CCDC38: variants seen among roughly 807,000 people sequenced by gnomAD.
CCDC38 encodes the protein coiled-coil domain-containing protein 38.
A neutral mutation model predicts 72.8 loss-of-function variants in CCDC38; 69 were observed. The ratio of observed to expected loss-of-function variants is 0.95; its 90% CI spans 0.78 to 1.16. The LOEUF (loss-of-function observed/expected upper bound fraction) is 1.16. Ranked by LOEUF, CCDC38 falls within the 50% of genes most tolerant of loss-of-function variation. The probability of loss-of-function intolerance (pLI) is 0.00; values close to 1 mark genes in which losing one functional copy is unlikely to be tolerated. For missense variants in CCDC38, 626 were observed against 638.9 expected (o/e 0.98, Z 0.22); for synonymous variants, 201 against 213.2 (o/e 0.94, Z 0.50).
chr12:95,899,898 C>T (rs1024085803), intron 5 of CCDC38, among the ~76,000 whole-genome samples: 1 of 151,922 alleles, frequency 6.6e-6, no homozygotes, highest in African/African-American at 2.4e-5. Flanking sequence ...CTGATGAAAG[C>T]GGGATGGGGT....
At position 95,867,102 on chromosome 12, in the gene CCDC38, G is replaced by A. The variant is rs565250678; in HGVS notation, c.1666C>T (p.Gln556Ter). 1 of 1,595,412 alleles carries A rather than the reference G, an allele frequency of 6.3e-7. No individual in the cohort carries two copies. Among genetic ancestry groups the A allele is most frequent in the South Asian group, 1.1e-5 (1 of 89,880 alleles). Residue 556 changes from glutamine (Q) to a stop codon, truncating the protein, a stop_gained, in exon 16 of 16, where the codon CAA (glutamine) becomes TAA (stop). Transcript: ENST00000344280. LOFTEE classifies it high-confidence loss of function. ...CAAGTAAAAAAATATTCTTCCTCTT[G>A]TGATTTTGTTTTTGTTTCATTGACT... Reference protein sequence around the residue: ...PLVNETKTKSQEEEYFFT With the variant: ...PLVNETKTKS
rs1192406024 is a variant in CCDC38, at chr12:95,879,817, A to T, written c.991-22T>A. On this transcript the variant is annotated intron_variant, in intron 11 of 15. Transcript: ENST00000344280. The surrounding 1 kb of genome is among the most constrained non-coding windows in gnomAD (Gnocchi z 5.5). ...GCTCCTAATTAATCAATAATGAAGA[A>T]TATAATTTACTTAAAAATATGCTAC... 1.3e-6 allele frequency: 2 copies of T among 1,554,536 alleles called. No individual in the cohort carries two copies. The highest frequency in any genetic ancestry group is 3.9e-5 in the Admixed American group (2 of 51,294).
At chr12:95,919,400 C>T in intron 2 of CCDC38, 1 of 399,810 alleles carries the variant, frequency 2.5e-6, no homozygotes, top group South Asian at 1.8e-5. Context: ...GCTATTGTTA[C>T]AGGGCATACT....
chr12:95,882,100 A>G (rs956924926), intron 10 of CCDC38, among the ~76,000 whole-genome samples: 1 of 152,230 alleles, frequency 6.6e-6, no homozygotes, highest in African/African-American at 2.4e-5. Flanking sequence ...AAGCATAATC[A>G]TGTGGCTTGG....
At position 95,898,563 on chromosome 12, in the gene CCDC38, C is replaced by CA. The variant is rs775552436; in HGVS notation, c.533+4dup. Reference sequence around the variant, plus strand: ...GAAGGATTTGGCCAGAGTGATGAAACAAACATTTTCAGAGCGTCTACAGAT... The same window carrying CA: ...GAAGGATTTGGCCAGAGTGATGAAACAAAACATTTTCAGAGCGTCTACAGAT... On this transcript the variant is annotated splice_donor_region_variant and intron_variant, in intron 6 of 15. Coordinates refer to ENST00000344280, the MANE Select transcript of CCDC38 (RefSeq NM_182496.3). The CA allele has an allele frequency of 6.2e-7, 1 of 1,613,940 alleles. No homozygotes were observed. Among genetic ancestry groups the CA allele is most frequent in the Admixed American group, 1.7e-5 (1 of 59,980 alleles).
chr12:95,930,354 G>A (rs765053661), intron 2 of CCDC38, among the ~76,000 whole-genome samples: 2 of 151,840 alleles, frequency 1.3e-5, no homozygotes, highest in Non-Finnish European at 2.9e-5. Flanking sequence ...TGTTAGCAGT[G>A]TTGGTTCCTT....
At chr12:95,869,281 T>C (rs2079554889) in intron 15 of CCDC38, among the ~76,000 whole-genome samples, 199 bp downstream of exon 15, 1 of 152,218 alleles carries the variant, frequency 6.6e-6, no homozygotes, top group African/African-American at 2.4e-5. Flanking sequence ...TACTAAAATG[T>C]GTGTCTAATT....
chr12:95,919,011 G>T, intron 2 of CCDC38, 35 bp from the exon 3 acceptor site: 1 of 1,307,058 alleles, frequency 7.7e-7, no homozygotes, highest in Non-Finnish European at 1.1e-6. Context: ...AATGAATTCT[G>T]TCATCCTTCC....
chr12:95,870,373 A>G (rs1592750243), intron 14 of CCDC38, among the ~76,000 whole-genome samples: 2 of 152,206 alleles, frequency 1.3e-5, no homozygotes, highest in African/African-American at 4.8e-5. Context: ...GTGGTGAGCA[A>G]TAGGCACTAA....
intron 5 of CCDC38, among the ~76,000 whole-genome samples, chr12:95,905,858 C>T (rs12099928): frequency 0.066 from 10,082 of 151,974 alleles, 849 homozygotes; most frequent in African/African-American, 0.2. Flanking sequence ...TTTTTGATGG[C>T]AGGAAAAAAA....
chr12:95,895,562 G>A (rs1360018588), intron 7 of CCDC38, among the ~76,000 whole-genome samples: 1 of 151,868 alleles, frequency 6.6e-6, no homozygotes, highest in Non-Finnish European at 1.5e-5. Flanking sequence ...GACCAGCCTG[G>A]CCAACATGGA....
At chr12:95,938,921 A>G (rs1160864344) in intron 1 of CCDC38, among the ~76,000 whole-genome samples, 1 of 152,248 alleles carries the variant, frequency 6.6e-6, no homozygotes. Flanking sequence ...AACTTCCAAT[A>G]GATGAAAAAG....
intron 2 of CCDC38, among the ~76,000 whole-genome samples, chr12:95,927,821 A>G (rs1485088889): frequency 1.3e-5 from 2 of 149,268 alleles, no homozygotes; most frequent in Admixed American, 1.3e-4. Context: ...TGGATATGAA[A>G]TTCTGGGTTG....
At chr12:95,918,828 G>A (rs968549948) in intron 3 of CCDC38, 48 bp downstream of exon 3, 1 of 1,262,902 alleles carries the variant, frequency 7.9e-7, no homozygotes. Flanking sequence ...TAGGTAAGTG[G>A]ATATGATTCT....
At chr12:95,890,572 G>C (rs1317467992) in intron 9 of CCDC38, among the ~76,000 whole-genome samples, 1 of 152,236 alleles carries the variant, frequency 6.6e-6, no homozygotes, top group East Asian at 1.9e-4. Context: ...AGCTTGGAAG[G>C]ACTTCAGGAC....
chr12:95,929,061 C>T lies in CCDC38; in HGVS notation c.37+7412G>A, dbSNP rs377032231. Reference sequence around the variant, plus strand: ...GCAGGCCTCCTTGAGCTGTGGTGGGCTCCACCCAGTTCGAGCTTCCCGGCT... The same window carrying T: ...GCAGGCCTCCTTGAGCTGTGGTGGGTTCCACCCAGTTCGAGCTTCCCGGCT... On this transcript the variant is annotated intron_variant, in intron 2 of 15. Transcript: ENST00000344280. Among the ~76,000 whole-genome samples, 14 of 152,296 alleles carry T rather than the reference C, an allele frequency of 9.2e-5. No homozygotes were observed. The East Asian group carries it at 1.5e-3, about 17-fold the overall frequency.
At chr12:95,894,922 A>C (rs554674515) in intron 8 of CCDC38, 67 bp downstream of exon 8, 1 of 1,263,086 alleles carries the variant, frequency 7.9e-7, no homozygotes, top group African/African-American at 1.5e-5. Context: ...TAGATAAAAA[A>C]CATTGAAGCA....
intron 2 of CCDC38, among the ~76,000 whole-genome samples, chr12:95,921,238 T>C (rs1192444279): frequency 6.6e-6 from 1 of 152,234 alleles, no homozygotes; most frequent in Non-Finnish European, 1.5e-5. Flanking sequence ...TTCTCTCTCT[T>C]TATTTCTTTA....
At chr12:95,906,770 CTTTT>C (rs61239359) in intron 4 of CCDC38, among the ~76,000 whole-genome samples, 1 of 138,806 alleles carries the variant, frequency 7.2e-6, no homozygotes, top group Non-Finnish European at 1.5e-5. Flanking sequence ...TGTCAAAATT[CTTTT>C]TTTTTTTTTT....
Sources: gnomAD v4.1 joint callset for allele counts (sites outside exome capture counted in the v4.1 genomes callset) on GRCh38, gnomAD v4.1.1 for gene constraint, Gnocchi (gnomAD v3.1) non-coding constraint, MANE v1.5 for transcripts, NCBI Gene and HGNC (gene_info 2026-07-23, HGNC 2026-07-21) for gene names.